The following SCFD2 variants were observed in gnomAD, a reference collection of about 807,000 sequenced individuals.
The protein encoded by SCFD2 is sec1 family domain-containing protein 2.
Under a neutral mutation model 58.9 loss-of-function variants are expected in SCFD2, and 54 were observed. The observed-to-expected ratio is 0.92, with a 90% CI of 0.74 to 1.15. The LOEUF (loss-of-function observed/expected upper bound fraction) is 1.15, where lower values mean the gene tolerates loss of function less well. SCFD2 is among the 50% of genes most tolerant of loss of function. SCFD2 has a pLI of 0.00. For synonymous variants in SCFD2, 321 were observed against 335.9 expected (o/e 0.96, Z 0.49); for missense variants, 805 against 836.6 (o/e 0.96, Z 0.47).
intron 5 of SCFD2, among the ~76,000 whole-genome samples, chr4:52,937,569 T>A (rs544527149): frequency 6.6e-6 from 1 of 152,232 alleles, no homozygotes; most frequent in South Asian, 2.1e-4. Flanking sequence ...AGTAAGAACA[T>A]GATGAAATTC....
intron 4 of SCFD2, among the ~76,000 whole-genome samples, chr4:53,219,894 G>T (rs1042979774): frequency 1.7e-4 from 26 of 152,086 alleles, no homozygotes; most frequent in African/African-American, 5.5e-4. Flanking sequence ...GACTGCCAAG[G>T]TCTACAAGGC....
rs969910310 is a variant in SCFD2 at position 53,143,852 on chromosome 4, C to T, written c.1561+1481G>A. Among the ~76,000 whole-genome samples the T allele has an allele frequency of 5.7e-4, 87 of 151,544 alleles. 1 individual carries two copies. The highest frequency in any genetic ancestry group is 3.4e-3 in the Middle Eastern group (1 of 292). ...CCAGCAAATGAATAGAAATGTGGTA[C>T]ATTTTTAAAGTACTCACATTTCACA... On this transcript the variant is annotated intron_variant, in intron 5 of 8. Transcript: ENST00000401642.
intron 4 of SCFD2, among the ~76,000 whole-genome samples, chr4:53,232,578 T>C (rs1488787457): frequency 6.6e-6 from 1 of 152,162 alleles, no homozygotes; most frequent in African/African-American, 2.4e-5. Context: ...TATCATAAAT[T>C]ACTCTAGAAG....
intron 5 of SCFD2, among the ~76,000 whole-genome samples, chr4:52,951,763 G>A (rs1398324230): frequency 6.6e-6 from 1 of 152,206 alleles, no homozygotes; most frequent in African/African-American, 2.4e-5. Context: ...TGAGCTGTCT[G>A]AGCCTCCATC....
intron 5 of SCFD2, among the ~76,000 whole-genome samples, chr4:52,944,473 G>T (rs1720371749): frequency 6.6e-6 from 1 of 152,140 alleles, no homozygotes; most frequent in Non-Finnish European, 1.5e-5. Context: ...GACAGAAAAA[G>T]ATAATAGCTA....
At chr4:53,272,180 C>T (rs563061003) in intron 4 of SCFD2, among the ~76,000 whole-genome samples, 3 of 152,164 alleles carry the variant, frequency 2.0e-5, no homozygotes, top group South Asian at 2.1e-4. Flanking sequence ...GTTAGAATGG[C>T]GATCATTAAA....
intron 3 of SCFD2, among the ~76,000 whole-genome samples, chr4:53,313,385 A>G (rs1217644625): frequency 3.9e-5 from 6 of 152,252 alleles, no homozygotes; most frequent in Non-Finnish European, 5.9e-5. Flanking sequence ...AAATAGATCA[A>G]TAAGAAACTA....
chr4:53,293,032 A>G (rs1731896310), intron 3 of SCFD2, among the ~76,000 whole-genome samples: 1 of 152,052 alleles, frequency 6.6e-6, no homozygotes, highest in Admixed American at 6.6e-5. Context: ...AACTTAAAGC[A>G]AAATAAAAAA....
Position 53,174,547 on chromosome 4 carries a change from T to C in SCFD2, c.1312-28965A>G, listed in dbSNP as rs956729110. ...TAAAATAAATAATATCCCAAAATGT[T>C]AGTCATCTTTGTGCATTTAGCTCCT... On this transcript the variant is annotated intron_variant, in intron 4 of 8. Coordinates refer to ENST00000401642, the MANE Select transcript of SCFD2 (RefSeq NM_152540.4). 1.1e-4 allele frequency among the ~76,000 whole-genome samples: 16 copies of C among 152,292 alleles called. 1 individual carries two copies. The highest frequency in any genetic ancestry group is 3.4e-4 in the African/African-American group (14 of 41,572).
At chr4:52,958,645 G>A (rs1033483072) in intron 5 of SCFD2, among the ~76,000 whole-genome samples, 3 of 152,058 alleles carry the variant, frequency 2.0e-5, no homozygotes, top group East Asian at 3.9e-4. Flanking sequence ...TCGGAGGAGC[G>A]ACTCTAACTT....
intron 8 of SCFD2, among the ~76,000 whole-genome samples, chr4:52,876,728 TA>T (rs1718482710): frequency 8.6e-6 from 1 of 116,810 alleles, no homozygotes; most frequent in South Asian, 2.7e-4. Flanking sequence ...CCAGCCTGGG[TA>T]ACAGAGCGAA....
At chr4:53,144,260 A>G (rs1726252201) in intron 5 of SCFD2, among the ~76,000 whole-genome samples, 1 of 151,830 alleles carries the variant, frequency 6.6e-6, no homozygotes, top group African/African-American at 2.4e-5. Context: ...CAGCCTGGGC[A>G]ACACAGTGAG....
intron 4 of SCFD2, among the ~76,000 whole-genome samples, chr4:53,246,044 A>G (rs1730059241): frequency 6.6e-6 from 1 of 152,120 alleles, no homozygotes; most frequent in Non-Finnish European, 1.5e-5. Flanking sequence ...ATTCCTATAC[A>G]CCAACAATAG....
At chr4:53,223,402 T>C (rs111915432) in intron 4 of SCFD2, among the ~76,000 whole-genome samples, 1 of 152,328 alleles carries the variant, frequency 6.6e-6, no homozygotes, top group African/African-American at 2.4e-5. Flanking sequence ...CTGTATATTC[T>C]GTTTCTTGGT....
intron 2 of SCFD2, among the ~76,000 whole-genome samples, chr4:53,352,030 G>C (rs559204008): frequency 9.2e-5 from 14 of 152,154 alleles, no homozygotes; most frequent in African/African-American, 2.9e-4. Context: ...ACAAAGTTGA[G>C]AAAGTGACTA....
chr4:53,313,712 T>C lies in SCFD2; in HGVS notation c.1059A>G (p.Lys353=), dbSNP rs772176646. Residue 353 remains lysine, a synonymous_variant, in exon 3 of 9, where the codon AAA becomes AAG. Coordinates refer to ENST00000401642, the MANE Select transcript of SCFD2 (RefSeq NM_152540.4). ...LWEALLNTKH[K]EAVMEVRRHL... ...GTCTCCGAACTTCCATCACTGCCTC[T>C]TTGTGCTTAGTGTTCAGTAAAGCTT... The C allele has an allele frequency of 6.2e-7, 1 of 1,614,110 alleles. No homozygotes were observed. The highest frequency in any genetic ancestry group is 8.5e-7 in the Non-Finnish European group (1 of 1,179,974).
intron 4 of SCFD2, among the ~76,000 whole-genome samples, chr4:53,228,420 C>T (rs957624378): frequency 2.6e-5 from 4 of 152,254 alleles, no homozygotes; most frequent in African/African-American, 7.2e-5. Flanking sequence ...CCCTTATGTA[C>T]AAGTTGTCAC....
chr4:53,280,799 T>C lies in SCFD2; in HGVS notation c.1136-6798A>G, dbSNP rs543477561. ...CAATGTATATTAGAATATTTAAATA[T>C]AATATATTCTGCTAAAACTCTGGTT... On this transcript the variant is annotated intron_variant, in intron 3 of 8. Coordinates refer to ENST00000401642, the MANE Select transcript of SCFD2 (RefSeq NM_152540.4). 5.3e-5 allele frequency among the ~76,000 whole-genome samples: 8 copies of C among 152,320 alleles called. No homozygotes were observed. The South Asian group carries it at 1.7e-3, about 32-fold the overall frequency.
At position 52,907,676 on chromosome 4, in the gene SCFD2, G is replaced by A. The variant is rs540977899; in HGVS notation, c.1708-85C>T. The A allele has an allele frequency of 1.3e-4, 176 of 1,346,504 alleles. No individual in the cohort carries two copies. In the East Asian group the frequency reaches 4.1e-3, roughly 31 times the overall value. 83.4% of individuals were successfully genotyped at this position (1,346,504 alleles called of 1,614,324 possible). A position where few individuals can be genotyped will look rare whatever the true frequency, so the allele number is the denominator to read the frequency against. On this transcript the variant is annotated intron_variant, in intron 6 of 8. Coordinates refer to ENST00000401642, the MANE Select transcript of SCFD2 (RefSeq NM_152540.4). Reference sequence around the variant, plus strand: ...CTTTATCTGCAATGAAGAAAGCAAAGCAAGTTTATTTTGATACTGAGCAAT... The same window carrying A: ...CTTTATCTGCAATGAAGAAAGCAAAACAAGTTTATTTTGATACTGAGCAAT...
Sources: allele counts gnomAD v4.1 joint callset (sites outside exome capture counted in the v4.1 genomes callset), GRCh38; gene constraint gnomAD v4.1.1; transcripts MANE v1.5; gene names NCBI Gene and HGNC (gene_info 2026-07-23, HGNC 2026-07-21).